Variants in COLEC12 observed in about 807,000 individuals in gnomAD.
The protein encoded by COLEC12 is collectin-12.
A neutral mutation model predicts 71.1 loss-of-function variants in COLEC12; 33 were observed. That is an observed-to-expected ratio of 0.46 (90% CI 0.35 to 0.62). The LOEUF is 0.62. Ranked by LOEUF, COLEC12 falls within the 20% of genes least tolerant of loss-of-function variation. COLEC12 has a pLI of 0.00. For synonymous variants in COLEC12, 350 were observed against 353.0 expected (o/e 0.99, Z 0.10); for missense variants, 765 against 916.1 (o/e 0.84, Z 2.13).
intron 2 of COLEC12, among the ~76,000 whole-genome samples, chr18:366,382 G>T (rs1914857081): frequency 6.6e-6 from 1 of 152,082 alleles, no homozygotes; most frequent in Non-Finnish European, 1.5e-5. Context: ...CCTCTGGGCT[G>T]TGAGATTTGC....
intron 2 of COLEC12, among the ~76,000 whole-genome samples, chr18:386,051 G>A (rs56839040): frequency 0.2 from 31,107 of 152,054 alleles, 3,343 homozygotes; most frequent in Middle Eastern, 0.29. Context: ...CAGTAGGGGT[G>A]GATAAATCCA....
At chr18:452,417 G>T (rs1916780370) in intron 2 of COLEC12, among the ~76,000 whole-genome samples, 1 of 152,172 alleles carries the variant, frequency 6.6e-6, no homozygotes, top group Admixed American at 6.5e-5. Flanking sequence ...ACAGTGCCTG[G>T]CATATGGTAA....
chr18:336,545 G>A (rs1011604329), intron 5 of COLEC12, among the ~76,000 whole-genome samples: 3 of 152,164 alleles, frequency 2.0e-5, no homozygotes, highest in Non-Finnish European at 4.4e-5. Context: ...TATAGTGAAT[G>A]ACAATTTTCA....
At chr18:412,054 A>G (rs1185276242) in intron 2 of COLEC12, among the ~76,000 whole-genome samples, 1 of 152,148 alleles carries the variant, frequency 6.6e-6, no homozygotes, top group Non-Finnish European at 1.5e-5. Flanking sequence ...GTAATAGAAG[A>G]AAAAATGGCT....
In COLEC12 at chr18:500,690, C is replaced by T. The variant is rs1917809676; in HGVS notation, c.-176G>A. On this transcript the variant is annotated 5_prime_UTR_variant, in exon 1 of 10. Coordinates refer to ENST00000400256, the MANE Select transcript of COLEC12 (RefSeq NM_130386.3). The surrounding 1 kb of genome is among the most constrained non-coding windows in gnomAD (Gnocchi z 5.3). ...GCCCGCGCTCCCCGCGCTCCCGGCT[C>T]CGCGCTCTGCTGCCTCGGGGCTGCC... The T allele has an allele frequency of 3.9e-6, 1 of 253,542 alleles. No homozygotes were observed. The highest frequency in any genetic ancestry group is 6.5e-6 in the Non-Finnish European group (1 of 154,044). 15.7% of individuals were successfully genotyped at this position (253,542 alleles called of 1,614,324 possible).
chr18:382,703 TACAGTGA>T (rs1434158810), intron 2 of COLEC12, among the ~76,000 whole-genome samples: 1 of 152,248 alleles, frequency 6.6e-6, no homozygotes, highest in Non-Finnish European at 1.5e-5. Context: ...ATTATGCATT[TACAGTGA>T]ATACAGTATA....
intron 2 of COLEC12, among the ~76,000 whole-genome samples, chr18:475,945 T>C (rs919431612): frequency 6.6e-6 from 1 of 152,218 alleles, no homozygotes; most frequent in Non-Finnish European, 1.5e-5. Context: ...TTCGACATGC[T>C]CGGCACCGTG....
At chr18:370,597 G>A (rs989379100) in intron 2 of COLEC12, among the ~76,000 whole-genome samples, 3 of 152,156 alleles carry the variant, frequency 2.0e-5, no homozygotes, top group African/African-American at 7.2e-5. Flanking sequence ...CACTGCATGC[G>A]GTTTAGAACA....
At chr18:439,143 T>C (rs1916462957) in intron 2 of COLEC12, among the ~76,000 whole-genome samples, 1 of 152,210 alleles carries the variant, frequency 6.6e-6, no homozygotes, top group Non-Finnish European at 1.5e-5. Context: ...AGAAATCAAC[T>C]TCATCCCATT....
Position 333,066 on chromosome 18 carries a change from T to C in COLEC12, c.1894A>G (p.Lys632Glu). The change falls in exon 7 of 10, where the codon AAG becomes GAG. Residue 632 changes from lysine (K) to glutamate (E), a missense_variant. By Grantham distance (56) the Lys-to-Glu change is moderately conservative (BLOSUM62 1). Transcript: ENST00000400256. Reference protein sequence around the residue: ...SVEKEIFEDAKLFCEDKSSHL... With the variant: ...SVEKEIFEDAELFCEDKSSHL... ...GAAGACTTGTCTTCACAGAAAAGCT[T>C]TGCATCCTCAAAAATTTCTTTCTCA... 1 of 1,612,686 alleles carries C rather than the reference T, an allele frequency of 6.2e-7. No individual in the cohort carries two copies. The highest frequency in any genetic ancestry group is 8.5e-7 in the Non-Finnish European group (1 of 1,179,440).
intron 2 of COLEC12, among the ~76,000 whole-genome samples, chr18:431,976 G>A (rs552345199): frequency 6.6e-6 from 1 of 152,246 alleles, no homozygotes; most frequent in East Asian, 1.9e-4. Context: ...CTTGCCTGTG[G>A]TCTGTCACAA....
At chr18:471,821 A>T (rs895250909) in intron 2 of COLEC12, among the ~76,000 whole-genome samples, 2 of 152,042 alleles carry the variant, frequency 1.3e-5, no homozygotes, top group African/African-American at 4.8e-5. Context: ...AATTAGTCCA[A>T]GCCAACCAGA....
At position 335,015 on chromosome 18, in the gene COLEC12, C is replaced by G; in HGVS notation, c.1543G>C (p.Gly515Arg). Residue 515 changes from glycine (G) to arginine (R), a missense_variant, in exon 6 of 10, where the codon GGG becomes CGG. Coordinates refer to ENST00000400256, the MANE Select transcript of COLEC12 (RefSeq NM_130386.3). ...QGPKGSRGSP[G>R]KPGPQGSSGD... ...CTGGAGCCCTGAGGGCCGGGCTTCC[C>G]AGGGGAACCACGGGAGCCTTTGGGG... 6.3e-7 allele frequency: 1 copy of G among 1,586,966 alleles called. No homozygotes were observed. Among genetic ancestry groups the G allele is most frequent in the Non-Finnish European group, 8.5e-7 (1 of 1,171,356 alleles).
At chr18:335,915 A>C (rs944349911) in intron 5 of COLEC12, among the ~76,000 whole-genome samples, 1 of 152,190 alleles carries the variant, frequency 6.6e-6, no homozygotes, top group African/African-American at 2.4e-5. Context: ...ACAGTGACTC[A>C]CATGATTAAA....
chr18:427,721 C>T (rs537334762), intron 2 of COLEC12, among the ~76,000 whole-genome samples: 2 of 152,264 alleles, frequency 1.3e-5, no homozygotes, highest in East Asian at 3.9e-4. Context: ...TGAATTGAAT[C>T]GAATGCGCAC....
At chr18:355,016 G>A (rs750690130) in intron 3 of COLEC12, among the ~76,000 whole-genome samples, 78 of 151,950 alleles carry the variant, frequency 5.1e-4, no homozygotes, top group Non-Finnish European at 9.7e-4. Context: ...CTGGAAGGCA[G>A]CCCTAATGCA....
intron 2 of COLEC12, among the ~76,000 whole-genome samples, chr18:381,098 C>G (rs1263858580): frequency 6.6e-6 from 1 of 152,094 alleles, no homozygotes; most frequent in African/African-American, 2.4e-5. Context: ...CAAACAGAAC[C>G]AGGCTCAGAG....
chr18:368,602 G>T (rs111988158), intron 2 of COLEC12, among the ~76,000 whole-genome samples: 82 of 148,054 alleles, frequency 5.5e-4, no homozygotes, highest in South Asian at 1.7e-3. Flanking sequence ...CGGTGGCTCA[G>T]GCCTGTAATC....
rs1335656519 is a variant in COLEC12, at chr18:345,041, C to A, written c.1327+1254G>T. ...TTATTAGACCAGTGTGGGGGACATA[C>A]CCCAAGGTGGCCCCTAGTGACTCAG... On this transcript the variant is annotated intron_variant, in intron 5 of 9. Transcript: ENST00000400256. Among the ~76,000 whole-genome samples the A allele has an allele frequency of 2.6e-5, 4 of 152,206 alleles. No individual in the cohort carries two copies. The East Asian group carries it at 7.7e-4, about 29-fold the overall frequency.
Sources: allele counts gnomAD v4.1 joint callset (sites outside exome capture counted in the v4.1 genomes callset), GRCh38; gene constraint gnomAD v4.1.1; non-coding constraint Gnocchi (gnomAD v3.1); transcripts MANE v1.5; gene names NCBI Gene and HGNC (gene_info 2026-07-23, HGNC 2026-07-21).